Variants in GALK2 observed in about 807,000 individuals in gnomAD.
GALK2 encodes the protein N-acetylgalactosamine kinase.
A neutral mutation model predicts 52.4 loss-of-function variants in GALK2; 36 were observed. The ratio of observed to expected loss-of-function variants is 0.69; its 90% CI spans 0.53 to 0.91. The LOEUF (loss-of-function observed/expected upper bound fraction) is 0.91. GALK2 is among the 40% of genes least tolerant of loss of function. The pLI is 0.00. For synonymous variants in GALK2, 176 were observed against 199.1 expected (o/e 0.88, Z 0.98); for missense variants, 579 against 559.1 (o/e 1.04, Z -0.36).
At chr15:49,213,683 TGTTATA>T (rs1368516141) in intron 2 of GALK2, among the ~76,000 whole-genome samples, 3 of 152,246 alleles carry the variant, frequency 2.0e-5, no homozygotes, top group East Asian at 1.9e-4. Context: ...TTATATTCGA[TGTTATA>T]GTTATAAGGT....
intron 1 of GALK2, 84 bp from the exon 2 acceptor site, chr15:49,201,078 G>GTT: frequency 1.5e-6 from 1 of 676,504 alleles, no homozygotes; most frequent in East Asian, 2.8e-5. Context: ...GTGTGTGTGT[G>GTT]TGTGTGTGTA....
chr15:49,287,190 T>G (rs2033462889), intron 7 of GALK2, among the ~76,000 whole-genome samples: 1 of 152,222 alleles, frequency 6.6e-6, no homozygotes, highest in South Asian at 2.1e-4. Flanking sequence ...TAACCCCATA[T>G]GCATTTTAGA....
intron 3 of GALK2, among the ~76,000 whole-genome samples, chr15:49,360,222 TA>T (rs2043961573): frequency 7.5e-6 from 1 of 132,682 alleles, no homozygotes; most frequent in African/African-American, 2.9e-5. Flanking sequence ...ACATGTACCC[TA>T]AAACTTATAG....
At chr15:49,332,462 C>G (rs555358460), downstream of GALK2, among the ~76,000 whole-genome samples, 4 of 152,256 alleles carry the variant, frequency 2.6e-5, no homozygotes, top group East Asian at 7.7e-4. Context: ...ACCAAGTATT[C>G]ATTCAAGAAA....
chr15:49,178,167 C>CAA (rs376324541), intron 1 of GALK2, among the ~76,000 whole-genome samples: 22 of 66,580 alleles, frequency 3.3e-4, no homozygotes, highest in East Asian at 2.1e-3. Flanking sequence ...GACTCTGTTT[C>CAA]AAAAAAAAAA....
At chr15:49,190,288 AT>A (rs573125342) in intron 1 of GALK2, among the ~76,000 whole-genome samples, 87 of 150,980 alleles carry the variant, frequency 5.8e-4, no homozygotes, top group South Asian at 1.3e-3. Context: ...AATGCAAATG[AT>A]TTTTTTTTTC....
intron 3 of GALK2, chr15:49,366,742 G>A: frequency 2.2e-6 from 2 of 894,466 alleles, no homozygotes; most frequent in East Asian, 2.7e-5. Context: ...GGGGTAGGCT[G>A]GGAGTCCCGC....
At chr15:49,216,124 T>G (rs1336031978) in intron 2 of GALK2, among the ~76,000 whole-genome samples, 2 of 152,346 alleles carry the variant, frequency 1.3e-5, no homozygotes, top group Non-Finnish European at 2.9e-5. Context: ...CATACTGGGC[T>G]GCCTAGAGCA....
At chr15:49,352,422 G>A (rs1306510633) in intron 3 of GALK2, among the ~76,000 whole-genome samples, 2 of 152,180 alleles carry the variant, frequency 1.3e-5, no homozygotes, top group African/African-American at 4.8e-5. Flanking sequence ...ATCTGCCATA[G>A]GACTTATGTT....
Position 49,331,191 on chromosome 15 carries a change from T to C in GALK2, c.*3032T>C, listed in dbSNP as rs752806585. On this transcript the variant is annotated 3_prime_UTR_variant, in exon 10 of 10. Coordinates refer to ENST00000560031, the MANE Select transcript of GALK2 (RefSeq NM_002044.4). ...GCTCTCCTCTATCCCTGACCTCCAA[T>C]TGTCCAGCATTCAGACATATTGTAC... 6.6e-6 allele frequency: 1 copy of C among 152,302 alleles called. No individual in the cohort carries two copies. The highest frequency in any genetic ancestry group is 1.9e-4 in the East Asian group (1 of 5,206). 9.4% of individuals were successfully genotyped at this position (152,302 alleles called of 1,614,324 possible).
intron 5 of GALK2, among the ~76,000 whole-genome samples, chr15:49,256,826 TA>T (rs1018213254): frequency 6.6e-5 from 10 of 152,310 alleles, no homozygotes; most frequent in African/African-American, 2.4e-4. Flanking sequence ...ATTTATTTTT[TA>T]AATGTTTGGA....
chr15:49,365,653 A>T, intron 3 of GALK2: 1 of 1,094,930 alleles, frequency 9.1e-7, no homozygotes, highest in Non-Finnish European at 1.4e-6. Context: ...GAGAAGGCCT[A>T]GAAGTATCAC....
intron 1 of GALK2, among the ~76,000 whole-genome samples, chr15:49,164,808 A>T (rs1212102384): frequency 2.6e-5 from 3 of 114,532 alleles, no homozygotes; most frequent in Admixed American, 1.8e-4. Context: ...AAAAAAAAAG[A>T]AATAAAAAGG....
chr15:49,341,374 C>G (rs555408531), intron 3 of GALK2, among the ~76,000 whole-genome samples: 1 of 152,092 alleles, frequency 6.6e-6, no homozygotes, highest in Non-Finnish European at 1.5e-5. Flanking sequence ...ATTGATTCTT[C>G]CAACCCATGA....
upstream of GALK2, among the ~76,000 whole-genome samples, chr15:49,166,665 G>A (rs1158232685): frequency 1.3e-5 from 2 of 152,108 alleles, no homozygotes; most frequent in East Asian, 1.9e-4. Context: ...AGCCGAGATC[G>A]CGCCATTGCA....
intron 2 of GALK2, among the ~76,000 whole-genome samples, chr15:49,203,690 A>G (rs2087991543): frequency 6.6e-6 from 1 of 152,186 alleles, no homozygotes; most frequent in South Asian, 2.1e-4. Flanking sequence ...TCCATTTTAA[A>G]TTCATTTTTA....
At chr15:49,156,732 A>T in intron 1 of GALK2, 4 of 545,246 alleles carry the variant, frequency 7.3e-6, no homozygotes, top group South Asian at 4.5e-5. Flanking sequence ...ACTGCTGAGA[A>T]AATAGCGCAA....
chr15:49,266,478 C>T (rs1291488639), intron 5 of GALK2, among the ~76,000 whole-genome samples: 2 of 152,202 alleles, frequency 1.3e-5, no homozygotes, highest in Non-Finnish European at 2.9e-5. Context: ...GACTGCCTCT[C>T]TCACTTGTCT....
At chr15:49,279,889 T>C (rs2032441397) in intron 5 of GALK2, among the ~76,000 whole-genome samples, 1 of 152,268 alleles carries the variant, frequency 6.6e-6, no homozygotes, top group African/African-American at 2.4e-5. Context: ...CAGCAGACTA[T>C]GAACAATGCC....
Sources: allele counts gnomAD v4.1 joint callset (sites outside exome capture counted in the v4.1 genomes callset), GRCh38; gene constraint gnomAD v4.1.1; transcripts MANE v1.5; gene names NCBI Gene and HGNC (gene_info 2026-07-23, HGNC 2026-07-21).